PITPNC1: variants seen among roughly 807,000 people sequenced by gnomAD.
PITPNC1 encodes cytoplasmic phosphatidylinositol transfer protein 1.
PITPNC1 carries 18 observed loss-of-function variants against 44.7 expected under a neutral mutation model. That is an observed-to-expected ratio of 0.40 (90% CI 0.28 to 0.60). PITPNC1 has a LOEUF of 0.60. Among genes scored for constraint, PITPNC1 ranks in the 20% least tolerant of loss-of-function variants. PITPNC1 has a pLI of 0.39. For missense variants in PITPNC1, 290 were observed against 418.4 expected (o/e 0.69, Z 2.68); for synonymous variants, 141 against 149.6 (o/e 0.94, Z 0.42).
chr17:67,552,566 C>T (rs2040781830), intron 3 of PITPNC1, among the ~76,000 whole-genome samples: 1 of 151,728 alleles, frequency 6.6e-6, no homozygotes, highest in African/African-American at 2.4e-5. Flanking sequence ...ATTCCATCTT[C>T]GTTCTTAGAG....
At chr17:67,450,517 T>G (rs1165177945) in intron 1 of PITPNC1, among the ~76,000 whole-genome samples, 2 of 152,014 alleles carry the variant, frequency 1.3e-5, no homozygotes, top group Non-Finnish European at 2.9e-5. Context: ...CCTCACCCTC[T>G]CCGGCTCAAG....
intron 1 of PITPNC1, among the ~76,000 whole-genome samples, chr17:67,412,198 C>A (rs943408400): frequency 6.6e-6 from 1 of 152,208 alleles, no homozygotes; most frequent in African/African-American, 2.4e-5. Context: ...GCCATTAATA[C>A]TACTCCTACA....
chr17:67,666,957 C>G (rs1198483237), intron 6 of PITPNC1, among the ~76,000 whole-genome samples: 1 of 152,250 alleles, frequency 6.6e-6, no homozygotes, highest in Non-Finnish European at 1.5e-5. Context: ...AAGCCCACCC[C>G]TGAGACACAG....
chr17:67,395,697 A>G (rs1341753948), intron 1 of PITPNC1, among the ~76,000 whole-genome samples: 1 of 152,192 alleles, frequency 6.6e-6, no homozygotes, highest in Non-Finnish European at 1.5e-5. Flanking sequence ...CCTCCATAAA[A>G]GTGACGCAGT....
At chr17:67,513,489 G>GTGTATATATATATATATA (rs772483698) in intron 1 of PITPNC1, among the ~76,000 whole-genome samples, 1 of 138,670 alleles carries the variant, frequency 7.2e-6, no homozygotes, top group African/African-American at 2.7e-5. Flanking sequence ...GTGTGTGTGT[G>GTGTATATATATATATATA]TATATATATA....
chr17:67,599,030 A>ATTTTTT (rs2041503726), intron 5 of PITPNC1, among the ~76,000 whole-genome samples: 9 of 30,176 alleles, frequency 3.0e-4, no homozygotes, highest in African/African-American at 1.4e-3. Context: ...ATATATATAT[A>ATTTTTT]TATATTTTTT....
intron 8 of PITPNC1, among the ~76,000 whole-genome samples, chr17:67,680,119 C>A (rs1435942452): frequency 6.6e-6 from 1 of 152,090 alleles, no homozygotes; most frequent in East Asian, 1.9e-4. Flanking sequence ...GAGAAAGAAG[C>A]CTGCTAGGGG....
At chr17:67,571,427 C>CA (rs1360686721) in intron 4 of PITPNC1, among the ~76,000 whole-genome samples, 2 of 151,966 alleles carry the variant, frequency 1.3e-5, no homozygotes, top group Non-Finnish European at 2.9e-5. Flanking sequence ...GGCTCTGTCT[C>CA]AAAAAAGAAA....
intron 5 of PITPNC1, among the ~76,000 whole-genome samples, chr17:67,595,575 T>C (rs2041450127): frequency 6.6e-6 from 1 of 152,184 alleles, no homozygotes. Context: ...GCTGAAATCA[T>C]TGCTTCCATC....
chr17:67,404,063 T>A (rs1309386214), intron 1 of PITPNC1, among the ~76,000 whole-genome samples: 2 of 152,128 alleles, frequency 1.3e-5, no homozygotes, highest in Non-Finnish European at 2.9e-5. Flanking sequence ...GGCTACAAAT[T>A]CCATTCCAAC....
intron 7 of PITPNC1, among the ~76,000 whole-genome samples, chr17:67,675,010 C>CA (rs11372163): frequency 0.019 from 2,198 of 114,030 alleles, 96 homozygotes; most frequent in Admixed American, 0.097. Flanking sequence ...GACTCTGTCT[C>CA]AAAAAAAAAA....
At chr17:67,389,320 T>G (rs1332511945) in intron 1 of PITPNC1, among the ~76,000 whole-genome samples, 1 of 152,214 alleles carries the variant, frequency 6.6e-6, no homozygotes, top group African/African-American at 2.4e-5. Context: ...CACCAATCAG[T>G]GGGAATCTTG....
At chr17:67,626,004 T>G (rs2041891706) in intron 5 of PITPNC1, among the ~76,000 whole-genome samples, 1 of 151,926 alleles carries the variant, frequency 6.6e-6, no homozygotes, top group Non-Finnish European at 1.5e-5. Context: ...TGGTTTTTTT[T>G]GAGACAGGAT....
chr17:67,422,941 A>G (rs1421607243), intron 1 of PITPNC1, among the ~76,000 whole-genome samples: 1 of 151,582 alleles, frequency 6.6e-6, no homozygotes, highest in Admixed American at 6.6e-5. Context: ...GCTCTAACAG[A>G]CTCATCTGAG....
chr17:67,632,846 G>C (rs150516074), intron 6 of PITPNC1, among the ~76,000 whole-genome samples: 9 of 152,212 alleles, frequency 5.9e-5, no homozygotes, highest in African/African-American at 2.2e-4. Context: ...GGGATTACAG[G>C]CATGAGCCAC....
chr17:67,405,924 A>G (rs1567977382), intron 1 of PITPNC1, among the ~76,000 whole-genome samples: 1 of 151,916 alleles, frequency 6.6e-6, no homozygotes, highest in Non-Finnish European at 1.5e-5. Context: ...AACATTTTCT[A>G]TATGTCTCTT....
intron 1 of PITPNC1, among the ~76,000 whole-genome samples, chr17:67,468,356 G>A (rs1390708164): frequency 6.6e-6 from 1 of 151,802 alleles, no homozygotes; most frequent in East Asian, 1.9e-4. Flanking sequence ...GTCCCTTGGG[G>A]AAGCCGTGGT....
chr17:67,678,036 G>A (rs994054679), intron 8 of PITPNC1, among the ~76,000 whole-genome samples: 7 of 151,956 alleles, frequency 4.6e-5, no homozygotes, highest in African/African-American at 1.4e-4. Context: ...GACATAGCAA[G>A]ACATCATCTC....
At chr17:67,572,468 CGGG>C (rs34297453) in intron 4 of PITPNC1, among the ~76,000 whole-genome samples, 2 of 48,932 alleles carry the variant, frequency 4.1e-5, no homozygotes, top group Admixed American at 2.7e-4. Context: ...CTGGGTAAAG[CGGG>C]GGGGGGGGGT....
Sources: gnomAD v4.1 joint callset for allele counts (sites outside exome capture counted in the v4.1 genomes callset) on GRCh38, gnomAD v4.1.1 for gene constraint, MANE v1.5 for transcripts, NCBI Gene and HGNC (gene_info 2026-07-23, HGNC 2026-07-21) for gene names.